Variants in MIB1 observed in about 807,000 individuals in gnomAD.
The protein encoded by MIB1 is MIB E3 ubiquitin protein ligase 1, also known as E3 ubiquitin-protein ligase MIB1.
Under a neutral mutation model 124.5 loss-of-function variants are expected in MIB1, and 278 were observed. That is an observed-to-expected ratio of 2.23 (90% CI 2.02 to 2.47). The LOEUF (loss-of-function observed/expected upper bound fraction) is 2.47. Among genes scored for constraint, MIB1 ranks in the 30% most tolerant of loss-of-function variants. MIB1 has a pLI of 0.00. For missense variants in MIB1, 957 were observed against 1,254.4 expected, an observed-to-expected ratio of 0.76 and a Z score of 3.58; for synonymous variants, 446 against 429.4, an observed-to-expected ratio of 1.04 and a Z score of -0.48.
intron 14 of MIB1, 48 bp downstream of exon 14, chr18:21,843,265 C>A (rs111914717): frequency 1.5e-6 from 2 of 1,350,448 alleles, no homozygotes; most frequent in African/African-American, 1.5e-5. Flanking sequence ...TTTAACCATA[C>A]AGATTTTTAG....
intron 1 of MIB1, among the ~76,000 whole-genome samples, chr18:21,753,901 C>G (rs186629061): frequency 2.0e-5 from 3 of 152,162 alleles, no homozygotes; most frequent in African/African-American, 7.2e-5. Flanking sequence ...TGGTCTTGAA[C>G]TCCTGACCTC....
chr18:21,759,462 C>T (rs1248271625), intron 1 of MIB1, among the ~76,000 whole-genome samples: 6 of 151,870 alleles, frequency 4.0e-5, no homozygotes, highest in African/African-American at 4.8e-5. Context: ...AGGCTGTTCT[C>T]GAATTCCTGA....
intron 1 of MIB1, among the ~76,000 whole-genome samples, chr18:21,729,142 A>G (rs1024127005): frequency 2.0e-5 from 3 of 152,184 alleles, no homozygotes; most frequent in Admixed American, 6.5e-5. Flanking sequence ...ACCTGCTTAT[A>G]TATCTGATTA....
At chr18:21,782,154 C>T (rs2041376739) in intron 6 of MIB1, among the ~76,000 whole-genome samples, 1 of 152,014 alleles carries the variant, frequency 6.6e-6, no homozygotes, top group South Asian at 2.1e-4. Flanking sequence ...CGAAGTTTCG[C>T]TCTTGTTGCC....
chr18:21,840,360 G>C (rs1244591991), intron 13 of MIB1, among the ~76,000 whole-genome samples: 1 of 151,850 alleles, frequency 6.6e-6, no homozygotes, highest in East Asian at 1.9e-4. Flanking sequence ...GGAAAGGATT[G>C]TTTCCCACAA....
At position 21,865,923 on chromosome 18, in the gene MIB1, T is replaced by C. The variant is rs1382232128; in HGVS notation, c.*1257T>C. 1.4e-4 allele frequency: 2 copies of C among 14,140 alleles called. No individual in the cohort carries two copies. Among genetic ancestry groups the C allele is most frequent in the East Asian group, 2.5e-3 (1 of 408 alleles). The allele number at this position is 14,140 out of a possible 1,614,324, so 0.9% of individuals were successfully genotyped here. ...TAGACTTTAAAAACAAACAAAATTT[T>C]TGGAGCATTTAATCATTTTTTTTCT... is the stretch of plus-strand genomic sequence containing the variant. On this transcript the variant is annotated 3_prime_UTR_variant, in exon 21 of 21. Transcript: ENST00000261537.
At chr18:21,751,174 C>G (rs982455754) in intron 1 of MIB1, among the ~76,000 whole-genome samples, 1 of 151,738 alleles carries the variant, frequency 6.6e-6, no homozygotes, top group African/African-American at 2.4e-5. Context: ...TGCACTCCAG[C>G]CTGGGTGACA....
intron 1 of MIB1, among the ~76,000 whole-genome samples, chr18:21,744,844 G>C (rs908254419): frequency 1.3e-5 from 2 of 152,176 alleles, no homozygotes; most frequent in Non-Finnish European, 2.9e-5. Context: ...TGTTGCTTTT[G>C]TACCAGCAAT....
chr18:21,808,316 A>G (rs1408152182), intron 10 of MIB1, among the ~76,000 whole-genome samples: 1 of 152,168 alleles, frequency 6.6e-6, no homozygotes, highest in Non-Finnish European at 1.5e-5. Flanking sequence ...CCAGCCCTCC[A>G]TCTGTATTGT....
intron 12 of MIB1, chr18:21,829,154 A>T (rs1359383150): frequency 1.7e-5 from 7 of 419,472 alleles, no homozygotes; most frequent in Non-Finnish European, 3.3e-5. Flanking sequence ...TGAAACATTC[A>T]GCTTACTAAT....
chr18:21,773,801 AT>A, intron 4 of MIB1, 73 bp downstream of exon 4: 1 of 884,552 alleles, frequency 1.1e-6, no homozygotes, highest in Non-Finnish European at 1.8e-6. Context: ...CTCTTTTATT[AT>A]TTTTCCTTTG....
intron 13 of MIB1, among the ~76,000 whole-genome samples, chr18:21,842,121 A>G (rs1405262109): frequency 2.7e-5 from 4 of 147,772 alleles, no homozygotes; most frequent in Non-Finnish European, 6.0e-5. Flanking sequence ...AAAAAAAAGA[A>G]GAAAAGAAGC....
chr18:21,847,496 G>T (rs2042145248), intron 16 of MIB1, among the ~76,000 whole-genome samples: 1 of 152,024 alleles, frequency 6.6e-6, no homozygotes. Flanking sequence ...ATTTTTTATT[G>T]TATTATTATT....
At chr18:21,704,932 G>A, upstream of MIB1, 2 of 297,240 alleles carry the variant, frequency 6.7e-6, no homozygotes, top group Non-Finnish European at 6.1e-6. Flanking sequence ...GCGGTTCCAA[G>A]ACCGGCCACC....
At chr18:21,801,851 G>T (rs1367374490) in intron 9 of MIB1, among the ~76,000 whole-genome samples, 1 of 152,012 alleles carries the variant, frequency 6.6e-6, no homozygotes, top group Non-Finnish European at 1.5e-5. Context: ...CTCTGCACTG[G>T]ATGCCCACTT....
chr18:21,755,691 T>C (rs2041024164), intron 1 of MIB1, among the ~76,000 whole-genome samples: 1 of 152,228 alleles, frequency 6.6e-6, no homozygotes, highest in Non-Finnish European at 1.5e-5. Context: ...GAGGAGATAA[T>C]GTCATAAGAA....
chr18:21,803,774 A>C lies in MIB1; in HGVS notation c.1372-133A>C, dbSNP rs929638128. On this transcript the variant is annotated intron_variant, in intron 9 of 20. Transcript: ENST00000261537. ...GAAGTCTGTAGTTATCTGAACTATG[A>C]TATATGGAACACCAACCTAAATTAT... 3 of 600,056 alleles carry C rather than the reference A, an allele frequency of 5.0e-6. No homozygotes were observed. The African/African-American group carries it at 5.5e-5, about 11-fold the overall frequency. 37.2% of individuals were successfully genotyped at this position (600,056 alleles called of 1,614,324 possible).
At chr18:21,830,305 G>A (rs892609064) in intron 12 of MIB1, among the ~76,000 whole-genome samples, 4 of 152,160 alleles carry the variant, frequency 2.6e-5, no homozygotes, top group African/African-American at 9.7e-5. Flanking sequence ...TAGAAAATAA[G>A]TATACTTTGG....
intron 1 of MIB1, among the ~76,000 whole-genome samples, chr18:21,726,392 A>G (rs1413324225): frequency 6.6e-6 from 1 of 151,250 alleles, no homozygotes; most frequent in Non-Finnish European, 1.5e-5. Flanking sequence ...ATCTCTATTG[A>G]AAAAAAAATG....
Sources: allele counts gnomAD v4.1 joint callset (sites outside exome capture counted in the v4.1 genomes callset), GRCh38; gene constraint gnomAD v4.1.1; transcripts MANE v1.5; gene names NCBI Gene and HGNC (gene_info 2026-07-23, HGNC 2026-07-21).